FBN1: variants seen among roughly 807,000 people sequenced by gnomAD.
The protein encoded by FBN1 is fibrillin 1.
FBN1 carries 29 observed loss-of-function variants against 365.1 expected under a neutral mutation model. The ratio of observed to expected loss-of-function variants is 0.08; its 90% CI spans 0.06 to 0.11. The LOEUF is 0.11. Among genes scored for constraint, FBN1 ranks in the 10% least tolerant of loss-of-function variants. The probability of loss-of-function intolerance (pLI) is 1.00; values close to 1 mark genes in which losing one functional copy is unlikely to be tolerated. For synonymous variants in FBN1, 1,210 were observed against 1,270.5 expected (o/e 0.95, Z 1.01); for missense variants, 2,476 against 3,703.2 (o/e 0.67, Z 8.60).
intron 32 of FBN1, among the ~76,000 whole-genome samples, chr15:48,477,746 C>T (rs576395862): frequency 1.1e-4 from 17 of 152,264 alleles, no homozygotes; most frequent in African/African-American, 3.6e-4. Flanking sequence ...TGCACAAGTT[C>T]GCTGCAAACA....
chr15:48,618,170 C>T (rs1566939289), intron 2 of FBN1, among the ~76,000 whole-genome samples: 1 of 152,132 alleles, frequency 6.6e-6, no homozygotes, highest in Non-Finnish European at 1.5e-5. Flanking sequence ...GGACACCCAA[C>T]TTCCCATGTA....
chr15:48,425,153 G>C (rs1005327688), intron 60 of FBN1, among the ~76,000 whole-genome samples: 5 of 152,208 alleles, frequency 3.3e-5, no homozygotes, highest in African/African-American at 4.8e-5. Flanking sequence ...TGCCCAGGGG[G>C]CATGCAGCAA....
chr15:48,626,799 T>C (rs1310801164), intron 2 of FBN1, among the ~76,000 whole-genome samples: 5 of 152,164 alleles, frequency 3.3e-5, no homozygotes, highest in South Asian at 2.1e-4. Flanking sequence ...AAAAATAGTC[T>C]AATTTAAATT....
intron 4 of FBN1, among the ~76,000 whole-genome samples, chr15:48,605,187 T>C (rs1019432279): frequency 6.6e-6 from 1 of 151,970 alleles, no homozygotes; most frequent in South Asian, 2.1e-4. Flanking sequence ...AGAACTAGAA[T>C]AGCTAAAACA....
At chr15:48,436,283 C>T (rs979128747) in intron 53 of FBN1, among the ~76,000 whole-genome samples, 2 of 152,120 alleles carry the variant, frequency 1.3e-5, no homozygotes, top group African/African-American at 2.4e-5. Context: ...GCTTAAACTC[C>T]CACAGCCATA....
At chr15:48,445,299 T>A in intron 48 of FBN1, 77 bp downstream of exon 48, 4 of 1,521,870 alleles carry the variant, frequency 2.6e-6, no homozygotes, top group Non-Finnish European at 3.6e-6. Flanking sequence ...GAAAGAAGCA[T>A]TAGAACAGAG....
intron 9 of FBN1, among the ~76,000 whole-genome samples, chr15:48,524,775 C>A (rs1237787691): frequency 6.6e-6 from 1 of 152,174 alleles, no homozygotes. Context: ...TGCTTCCCAT[C>A]TACAATACTG....
chr15:48,617,365 G>T (rs1889677630), intron 2 of FBN1, among the ~76,000 whole-genome samples: 1 of 151,926 alleles, frequency 6.6e-6, no homozygotes, highest in African/African-American at 2.4e-5. Context: ...AGTAGAGACG[G>T]GGTTTCACCA....
chr15:48,421,412 A>T, intron 62 of FBN1, 146 bp downstream of exon 62: 2 of 892,950 alleles, frequency 2.2e-6, no homozygotes. Flanking sequence ...TCTAAGATAC[A>T]GGACCTGTGC....
At position 48,640,235 on chromosome 15, in the gene FBN1, T is replaced by C. The variant is rs143295743; in HGVS notation, c.164+4371A>G. On this transcript the variant is annotated intron_variant, in intron 2 of 65. Transcript: ENST00000316623. Reference sequence around the variant, plus strand: ...TATGTCTTCAATGTTACAAAATGAGTCACATAAATAAATATTTTGTCTCTA... The same window carrying C: ...TATGTCTTCAATGTTACAAAATGAGCCACATAAATAAATATTTTGTCTCTA... Among the ~76,000 whole-genome samples, 114 of 152,248 alleles carry C rather than the reference T, an allele frequency of 7.5e-4. 1 individual carries two copies. Among genetic ancestry groups the C allele is most frequent in the African/African-American group, 2.7e-3 (113 of 41,548 alleles).
chr15:48,479,661 T>C (rs778905604), intron 32 of FBN1, among the ~76,000 whole-genome samples: 3 of 152,334 alleles, frequency 2.0e-5, no homozygotes, highest in East Asian at 1.9e-4. Flanking sequence ...TCTATGTTCA[T>C]GTGATTGACT....
At chr15:48,487,034 GTAAAATAAAA>G (rs72158035) in intron 29 of FBN1, 31 bp downstream of exon 29, 56 of 1,280,746 alleles carry the variant, frequency 4.4e-5, no homozygotes, top group Middle Eastern at 2.8e-4. Flanking sequence ...ATAAAATAAA[GTAAAATAAAA>G]TAAAATAAAA....
rs545922417 is a variant in FBN1 at position 48,634,212 on chromosome 15, A to C, written c.164+10394T>G. On this transcript the variant is annotated intron_variant, in intron 2 of 65. Coordinates refer to ENST00000316623, the MANE Select transcript of FBN1 (RefSeq NM_000138.5). ...TACACAATAAACCATTAGTTACAAG[A>C]AGCAGGATGCATCAAACTTTACATA... is the stretch of plus-strand genomic sequence containing the variant. Among the ~76,000 whole-genome samples, 4 of 152,314 alleles carry C rather than the reference A, an allele frequency of 2.6e-5. No homozygotes were observed. The South Asian group carries it at 8.3e-4, about 32-fold the overall frequency.
intron 6 of FBN1, among the ~76,000 whole-genome samples, chr15:48,550,223 G>T (rs1333598538): frequency 1.3e-5 from 2 of 152,214 alleles, no homozygotes; most frequent in Non-Finnish European, 2.9e-5. Flanking sequence ...CCTGAGCCAG[G>T]ATGGCTTCAG....
In FBN1 at chr15:48,463,182, T is replaced by G; in HGVS notation, c.5124A>C (p.Gly1708=). ...TCTTGGTCATGTTGAATAACAATTC[T>G]CCATCACAGGTCTGGTTGTCAGCAT... ...NYYADNQTCD[G]ELLFNMTKKM... is the part of the protein sequence containing the mutation. The change falls in exon 42 of 66, where the codon GGA becomes GGC. Residue 1708 remains glycine, a synonymous_variant. Coordinates refer to ENST00000316623, the MANE Select transcript of FBN1 (RefSeq NM_000138.5). 1 of 1,614,018 alleles carries G rather than the reference T, an allele frequency of 6.2e-7. No individual in the cohort carries two copies. Among genetic ancestry groups the G allele is most frequent in the Non-Finnish European group, 8.5e-7 (1 of 1,179,882 alleles).
chr15:48,474,384 GA>G lies in FBN1; in HGVS notation c.4088-8del, dbSNP rs1325437178. 6.2e-7 allele frequency: 1 copy of G among 1,613,892 alleles called. No individual in the cohort carries two copies. The highest frequency in any genetic ancestry group is 1.7e-5 in the Admixed American group (1 of 60,000). On this transcript the variant is annotated splice_region_variant and splice_polypyrimidine_tract_variant and intron_variant, in intron 33 of 65. Transcript: ENST00000316623. ...TTGGAACATTCGTCCAGATCTTATA[GA>G]AAAAGGTTATATCATTATTAACAGA...
At chr15:48,630,527 T>C (rs929791684) in intron 2 of FBN1, among the ~76,000 whole-genome samples, 1 of 152,208 alleles carries the variant, frequency 6.6e-6, no homozygotes, top group Non-Finnish European at 1.5e-5. Flanking sequence ...TAGAACTGCT[T>C]ACAAGCAAAA....
intron 6 of FBN1, among the ~76,000 whole-genome samples, chr15:48,574,723 T>G (rs1369549792): frequency 1.3e-5 from 2 of 152,134 alleles, no homozygotes; most frequent in African/African-American, 2.4e-5. Flanking sequence ...ATAAAATGAT[T>G]AGAAACATAG....
chr15:48,550,442 G>T (rs540646664), intron 6 of FBN1, among the ~76,000 whole-genome samples: 1 of 152,142 alleles, frequency 6.6e-6, no homozygotes, highest in South Asian at 2.1e-4. Flanking sequence ...CTAATCACCC[G>T]CAAACTTTGT....
Sources: gnomAD v4.1 joint callset for allele counts (sites outside exome capture counted in the v4.1 genomes callset) on GRCh38, gnomAD v4.1.1 for gene constraint, MANE v1.5 for transcripts, NCBI Gene and HGNC (gene_info 2026-07-23, HGNC 2026-07-21) for gene names.